RALY: variants seen among roughly 807,000 people sequenced by gnomAD.
The protein encoded by RALY is RALY heterogeneous nuclear ribonucleoprotein.
A neutral mutation model predicts 30.7 loss-of-function variants in RALY; 15 were observed. That is an observed-to-expected ratio of 0.49 (90% confidence interval 0.33 to 0.75). The LOEUF is 0.75. Ranked by LOEUF, RALY falls within the 30% of genes least tolerant of loss-of-function variation. The probability of loss-of-function intolerance (pLI) is 0.02; values close to 1 mark genes in which losing one functional copy is unlikely to be tolerated. For missense variants in RALY, 339 were observed against 414.3 expected, an observed-to-expected ratio of 0.82 and a Z score of 1.58; for synonymous variants, 177 against 170.8, an observed-to-expected ratio of 1.04 and a Z score of -0.28.
chr20:34,024,216 T>G (rs1184713376), intron 1 of RALY, among the ~76,000 whole-genome samples: 1 of 152,196 alleles, frequency 6.6e-6, no homozygotes, highest in Non-Finnish European at 1.5e-5. Context: ...CAGTCTCAGT[T>G]GCACAGAGCA....
intron 2 of RALY, among the ~76,000 whole-genome samples, chr20:34,032,028 T>C (rs1438422859): frequency 6.6e-6 from 1 of 152,220 alleles, no homozygotes; most frequent in African/African-American, 2.4e-5. Context: ...AATGGCACGA[T>C]CTCGGCTCAA....
chr20:34,026,742 C>G (rs1047863493), intron 1 of RALY, among the ~76,000 whole-genome samples: 2 of 152,080 alleles, frequency 1.3e-5, no homozygotes, highest in Non-Finnish European at 2.9e-5. Context: ...TTCCCATCCT[C>G]TTTTCTCTGC....
chr20:34,042,497 G>T (rs1429341029), intron 2 of RALY, among the ~76,000 whole-genome samples: 1 of 152,198 alleles, frequency 6.6e-6, no homozygotes, highest in African/African-American at 2.4e-5. Flanking sequence ...CTGTGCCTGG[G>T]TGTCAGGCTT....
chr20:34,058,342 C>T (rs1048919453), intron 2 of RALY, among the ~76,000 whole-genome samples: 1 of 151,994 alleles, frequency 6.6e-6, no homozygotes, highest in Non-Finnish European at 1.5e-5. Context: ...TACCGTATTA[C>T]ATGCTAATGA....
At chr20:34,028,760 G>A (rs527845443) in intron 1 of RALY, among the ~76,000 whole-genome samples, 1 of 146,640 alleles carries the variant, frequency 6.8e-6, no homozygotes, top group African/African-American at 2.5e-5. Context: ...GGCAAGAAAA[G>A]GGTTCAGGAT....
At chr20:34,058,818 G>A (rs1339790646) in intron 2 of RALY, among the ~76,000 whole-genome samples, 1 of 152,146 alleles carries the variant, frequency 6.6e-6, no homozygotes, top group Non-Finnish European at 1.5e-5. Context: ...TATAGATTTG[G>A]TAGCCTTAAC....
At chr20:34,020,175 G>A (rs2031766073) in intron 1 of RALY, among the ~76,000 whole-genome samples, 1 of 152,232 alleles carries the variant, frequency 6.6e-6, no homozygotes, top group South Asian at 2.1e-4. Context: ...ATAGGCATGT[G>A]AAGGTTCACC....
At position 34,073,950 on chromosome 20, in the gene RALY, C is replaced by A. The variant is rs2033803052; in HGVS notation, c.377+84C>A. 2.0e-6 allele frequency: 3 copies of A among 1,479,692 alleles called. No homozygotes were observed. In the African/African-American group the frequency reaches 4.2e-5, roughly 20 times the overall value. The allele number at this position is 1,479,692 out of a possible 1,614,324, so 91.7% of individuals were successfully genotyped here. ...GATTGTTGGTGCAGCCCACTGAGTTCTCCAAATGAGAACCAAAACCCAGAG... is the reference window on the plus strand; with the variant it reads ...GATTGTTGGTGCAGCCCACTGAGTTATCCAAATGAGAACCAAAACCCAGAG... On this transcript the variant is annotated intron_variant, in intron 5 of 9. Transcript: ENST00000246194.
intron 2 of RALY, among the ~76,000 whole-genome samples, chr20:34,051,896 C>T (rs139050172): frequency 3.9e-4 from 60 of 152,296 alleles, no homozygotes; most frequent in African/African-American, 1.3e-3. Context: ...TGAGCCACTG[C>T]GCCCAGCCTG....
chr20:34,016,949 G>A (rs1170069017), intron 1 of RALY, among the ~76,000 whole-genome samples: 5 of 152,276 alleles, frequency 3.3e-5, no homozygotes, highest in African/African-American at 1.2e-4. Flanking sequence ...GGCTGGAGCA[G>A]TGCTCCTAGG....
intron 2 of RALY, among the ~76,000 whole-genome samples, chr20:34,049,401 TG>T (rs564744869): frequency 1.3e-5 from 2 of 152,094 alleles, no homozygotes; most frequent in Non-Finnish European, 2.9e-5. Context: ...TACAAAAATG[TG>T]TAAGATGTAT....
At chr20:34,076,150 T>G in intron 6 of RALY, 110 bp downstream of exon 6, 1 of 1,311,228 alleles carries the variant, frequency 7.6e-7, no homozygotes. Context: ...TCTTCCACAG[T>G]TCTGCTGCTC....
chr20:34,051,700 A>G (rs2033084553), intron 2 of RALY, among the ~76,000 whole-genome samples: 1 of 152,022 alleles, frequency 6.6e-6, no homozygotes, highest in Non-Finnish European at 1.5e-5. Context: ...GGTTCATGCC[A>G]TTCTCCTGCC....
chr20:34,033,423 A>C (rs34763595), intron 2 of RALY, among the ~76,000 whole-genome samples: 2 of 152,230 alleles, frequency 1.3e-5, no homozygotes, highest in African/African-American at 4.8e-5. Context: ...TATTTGTCTC[A>C]CAATTCGAAT....
At chr20:34,008,028 C>T (rs1015015658) in intron 1 of RALY, among the ~76,000 whole-genome samples, 1 of 152,070 alleles carries the variant, frequency 6.6e-6, no homozygotes, top group Non-Finnish European at 1.5e-5. Context: ...CCTTAATCTC[C>T]CTTAAGAGTT....
chr20:33,999,569 C>T (rs2030813686), intron 1 of RALY, among the ~76,000 whole-genome samples: 1 of 152,216 alleles, frequency 6.6e-6, no homozygotes, highest in Admixed American at 6.5e-5. Context: ...TCCTTTGGCA[C>T]TGGTCTTTTC....
chr20:34,076,018 C>G lies in RALY; in HGVS notation c.522C>G (p.Thr174=). The change falls in exon 6 of 10, where the codon ACC becomes ACG. Residue 174 remains threonine, a synonymous_variant. Transcript: ENST00000246194. ...VKLFARSTAV[T]TSSAKIKLKS... is the part of the protein sequence containing the mutation. ...TCTTTGCCCGCTCCACAGCTGTCACCACCAGCTCAGCCAAGATCAAGTGTG... is the reference window on the plus strand; with the variant it reads ...TCTTTGCCCGCTCCACAGCTGTCACGACCAGCTCAGCCAAGATCAAGTGTG... 6.2e-7 allele frequency: 1 copy of G among 1,614,176 alleles called. No homozygotes were observed. Among genetic ancestry groups the G allele is most frequent in the Non-Finnish European group, 8.5e-7 (1 of 1,179,986 alleles).
At chr20:34,065,034 T>TA (rs988460518) in intron 2 of RALY, 1 of 152,174 alleles carries the variant, frequency 6.6e-6, no homozygotes, top group Admixed American at 6.5e-5. Context: ...AAATCGTTTT[T>TA]AAAAAACAGG....
intron 2 of RALY, among the ~76,000 whole-genome samples, chr20:34,055,357 C>A (rs2033209654): frequency 6.6e-6 from 1 of 152,190 alleles, no homozygotes; most frequent in South Asian, 2.1e-4. Context: ...TGCAAAGATA[C>A]TGCCTTCCTG....
Sources: allele counts gnomAD v4.1 joint callset (sites outside exome capture counted in the v4.1 genomes callset), GRCh38; gene constraint gnomAD v4.1.1; transcripts MANE v1.5; gene names NCBI Gene and HGNC (gene_info 2026-07-23, HGNC 2026-07-21).